Variants in RASSF3 observed in about 807,000 individuals in gnomAD.
RASSF3 encodes Ras association domain family member 3.
In RASSF3, 19 loss-of-function variants were observed where a neutral mutation model predicts 19.9. The ratio of observed to expected loss-of-function variants is 0.96; its 90% CI spans 0.67 to 1.40. The LOEUF is 1.40. Ranked by LOEUF, RASSF3 falls within the 40% of genes most tolerant of loss-of-function variation. The pLI, the probability that RASSF3 is intolerant of heterozygous loss-of-function variation, is 0.00. For synonymous variants in RASSF3, 110 were observed against 104.2 expected (o/e 1.06, Z -0.34); for missense variants, 306 against 289.8 (o/e 1.06, Z -0.41).
chr12:64,650,695 G>A (rs1425068860), intron 1 of RASSF3, among the ~76,000 whole-genome samples: 1 of 151,990 alleles, frequency 6.6e-6, no homozygotes, highest in Non-Finnish European at 1.5e-5. Context: ...GATTACAGGC[G>A]TGAGCCACCG....
intron 1 of RASSF3, among the ~76,000 whole-genome samples, chr12:64,655,543 C>A (rs1872126574): frequency 1.3e-5 from 2 of 151,894 alleles, no homozygotes; most frequent in Non-Finnish European, 2.9e-5. Context: ...AAACTCCTGG[C>A]CTTAAGTGAT....
chr12:64,657,011 C>CT (rs566413790), intron 1 of RASSF3, among the ~76,000 whole-genome samples: 39,035 of 135,654 alleles, frequency 0.29, 5,906 homozygotes, highest in Non-Finnish European at 0.36. Flanking sequence ...AGTATAGTTT[C>CT]TTTTTTTTTT....
intron 2 of RASSF3, among the ~76,000 whole-genome samples, chr12:64,587,611 G>A (rs1382586162): frequency 6.6e-6 from 1 of 152,142 alleles, no homozygotes; most frequent in Non-Finnish European, 1.5e-5. Context: ...GCCTGGAGGT[G>A]TCGCCGTCTT....
chr12:64,582,998 G>A (rs1364350902), intron 2 of RASSF3, among the ~76,000 whole-genome samples: 1 of 152,022 alleles, frequency 6.6e-6, no homozygotes, highest in African/African-American at 2.4e-5. Context: ...ATAAACCCTG[G>A]ACCTGGAAGT....
intron 2 of RASSF3, among the ~76,000 whole-genome samples, chr12:64,556,981 C>T (rs1000268960): frequency 2.6e-5 from 4 of 151,862 alleles, no homozygotes; most frequent in East Asian, 1.9e-4. Flanking sequence ...GGATTACAGG[C>T]GTGCGCCACC....
chr12:64,561,467 A>G (rs1475815246), intron 2 of RASSF3, among the ~76,000 whole-genome samples: 1 of 152,022 alleles, frequency 6.6e-6, no homozygotes, highest in Non-Finnish European at 1.5e-5. Context: ...ATTCTCCCTG[A>G]CCTCCTGCAT....
At chr12:64,566,475 A>C (rs752624673) in intron 2 of RASSF3, among the ~76,000 whole-genome samples, 3 of 152,190 alleles carry the variant, frequency 2.0e-5, no homozygotes, top group Non-Finnish European at 2.9e-5. Context: ...GAACTCGGCA[A>C]GTATATCAAA....
chr12:64,540,954 G>A (rs1237877257), intron 1 of RASSF3, among the ~76,000 whole-genome samples: 1 of 150,866 alleles, frequency 6.6e-6, no homozygotes. Flanking sequence ...TATTTTTTTT[G>A]TAGAGATAGG....
At chr12:64,530,925 ATTAAG>A (rs1464338502), upstream of RASSF3, among the ~76,000 whole-genome samples, 1 of 152,092 alleles carries the variant, frequency 6.6e-6, no homozygotes, top group African/African-American at 2.4e-5. Context: ...TTGGTTTCTA[ATTAAG>A]TTTTTAGATT....
intron 1 of RASSF3, among the ~76,000 whole-genome samples, chr12:64,644,733 A>G (rs11175495): frequency 0.2 from 22,673 of 113,380 alleles, 2,547 homozygotes; most frequent in African/African-American, 0.39. Flanking sequence ...TATATAATGT[A>G]TATGTATATG....
At chr12:64,620,432 C>T (rs1870712507) in intron 1 of RASSF3, among the ~76,000 whole-genome samples, 2 of 152,116 alleles carry the variant, frequency 1.3e-5, no homozygotes, top group Non-Finnish European at 2.9e-5. Context: ...TTAAAGACCC[C>T]TCTTAAAACT....
At chr12:64,542,368 G>A (rs1010002805), downstream of RASSF3, among the ~76,000 whole-genome samples, 3 of 152,134 alleles carry the variant, frequency 2.0e-5, no homozygotes, top group Admixed American at 2.0e-4. Context: ...CATGAACACT[G>A]TGCTGGGGAA....
chr12:64,522,430 A>G (rs1283698726), intron 1 of RASSF3, among the ~76,000 whole-genome samples: 2 of 152,108 alleles, frequency 1.3e-5, no homozygotes, highest in East Asian at 3.9e-4. Flanking sequence ...CTGATGATGA[A>G]ATATGTGGTT....
exon 1 of RASSF3, chr12:64,507,067 G>A: frequency 2.5e-6 from 1 of 397,332 alleles, no homozygotes; most frequent in Non-Finnish European, 4.4e-6. Flanking sequence ...CAGAGGAAGG[G>A]GATTTAGGGC....
At chr12:64,629,253 C>T (rs1871092303) in intron 1 of RASSF3, among the ~76,000 whole-genome samples, 1 of 151,982 alleles carries the variant, frequency 6.6e-6, no homozygotes, top group African/African-American at 2.4e-5. Context: ...AGGTACGTGC[C>T]ACCACACCCA....
At chr12:64,656,905 T>C (rs1161918995) in intron 1 of RASSF3, among the ~76,000 whole-genome samples, 2 of 152,106 alleles carry the variant, frequency 1.3e-5, no homozygotes, top group Non-Finnish European at 2.9e-5. Flanking sequence ...GGACAAATAC[T>C]GTATGATTAC....
At chr12:64,646,228 C>T (rs888870158) in intron 1 of RASSF3, among the ~76,000 whole-genome samples, 2 of 152,128 alleles carry the variant, frequency 1.3e-5, no homozygotes, top group Non-Finnish European at 2.9e-5. Flanking sequence ...TATATATATA[C>T]CTAAGAGTGG....
Position 64,678,530 on chromosome 12 carries a change from C to T in RASSF3, c.112-6257C>T, listed in dbSNP as rs1436195394. Reference sequence around the variant, plus strand: ...AGTGTCATGCCACTGGCATCAGGCACTGTGCATATATTGTCCCCCACTCAA... The same window carrying T: ...AGTGTCATGCCACTGGCATCAGGCATTGTGCATATATTGTCCCCCACTCAA... On this transcript the variant is annotated intron_variant, in intron 1 of 4. Transcript: ENST00000542104. 2.0e-5 allele frequency among the ~76,000 whole-genome samples: 3 copies of T among 151,460 alleles called. No individual in the cohort carries two copies. The East Asian group carries it at 5.9e-4, about 30-fold the overall frequency.
intron 2 of RASSF3, among the ~76,000 whole-genome samples, chr12:64,556,556 G>A (rs112728387): frequency 9.2e-5 from 14 of 152,040 alleles, no homozygotes; most frequent in Non-Finnish European, 1.6e-4. Context: ...TCCTTGCTCC[G>A]TCAGGCTGGG....
Sources: allele counts gnomAD v4.1 joint callset (sites outside exome capture counted in the v4.1 genomes callset), GRCh38; gene constraint gnomAD v4.1.1; transcripts MANE v1.5; gene names NCBI Gene and HGNC (gene_info 2026-07-23, HGNC 2026-07-21).